Variants in NELFA observed in about 807,000 individuals in gnomAD.
NELFA encodes negative elongation factor A.
In NELFA, 35 loss-of-function variants were observed where a neutral mutation model predicts 51.8. The observed-to-expected ratio is 0.68, with a 90% CI of 0.52 to 0.90. NELFA has a LOEUF of 0.90. Ranked by LOEUF, NELFA falls within the 40% of genes least tolerant of loss-of-function variation. NELFA has a pLI of 0.00. For synonymous variants in NELFA, 417 were observed against 338.4 expected (o/e 1.23, Z -2.55); for missense variants, 658 against 746.4 (o/e 0.88, Z 1.38).
chr4:1,985,480 G>C (rs1381983633), intron 7 of NELFA, among the ~76,000 whole-genome samples: 1 of 152,124 alleles, frequency 6.6e-6, no homozygotes, highest in Non-Finnish European at 1.5e-5. Context: ...GCAAGGCTTA[G>C]GTCCCACCAG....
At chr4:2,003,949 GA>G (rs1728641148) in intron 1 of NELFA, 1 of 151,646 alleles carries the variant, frequency 6.6e-6, no homozygotes, top group Admixed American at 6.6e-5. Context: ...TCAAGAGATG[GA>G]GACCATCCTG....
chr4:1,984,244 C>T, intron 8 of NELFA, 131 bp from the exon 9 acceptor site: 2 of 1,189,516 alleles, frequency 1.7e-6, no homozygotes, highest in Non-Finnish European at 2.3e-6. Flanking sequence ...TCCCTGTGGC[C>T]CCCAGCCAAG....
intron 1 of NELFA, among the ~76,000 whole-genome samples, chr4:1,996,306 G>A (rs1267471018): frequency 2.6e-5 from 4 of 152,334 alleles, no homozygotes; most frequent in African/African-American, 9.6e-5. Context: ...AGAACTTACT[G>A]AAATTAAAAA....
At chr4:1,998,932 GACTA>G (rs1174030037) in intron 1 of NELFA, among the ~76,000 whole-genome samples, 3 of 152,274 alleles carry the variant, frequency 2.0e-5, no homozygotes, top group East Asian at 3.9e-4. Flanking sequence ...AAGCCCATCA[GACTA>G]ACTAATGGCA....
Position 1,983,507 on chromosome 4 carries a change from C to T in NELFA, c.1403-4G>A, listed in dbSNP as rs1021574702. ...CCCTGCTCCTGGCACGGGTTCTCTG[C>T]AGAGAGCAGGAGCTGCTGGGTGGGT... is the stretch of plus-strand genomic sequence containing the variant. On this transcript the variant is annotated splice_polypyrimidine_tract_variant and splice_region_variant and intron_variant, in intron 10 of 10. Coordinates refer to ENST00000382882, the MANE Select transcript of NELFA (RefSeq NM_005663.5). 30 of 1,613,722 alleles carry T rather than the reference C, an allele frequency of 1.9e-5. No individual in the cohort carries two copies. Among genetic ancestry groups the T allele is most frequent in the Admixed American group, 6.7e-5 (4 of 60,010 alleles).
At chr4:1,992,195 T>C in intron 1 of NELFA, 1 of 221,598 alleles carries the variant, frequency 4.5e-6, no homozygotes. Context: ...GGGTGGGGCC[T>C]GGGACCTGGG....
At position 1,986,098 on chromosome 4, in the gene NELFA, A is replaced by G. The variant is rs756256163; in HGVS notation, c.835+16T>C. The G allele has an allele frequency of 2.9e-5, 45 of 1,549,706 alleles. No individual in the cohort carries two copies. The highest frequency in any genetic ancestry group is 1.7e-4 in the Middle Eastern group (1 of 6,002). On this transcript the variant is annotated intron_variant, in intron 6 of 10. Coordinates refer to ENST00000382882, the MANE Select transcript of NELFA (RefSeq NM_005663.5). ...GGGACCCCCATTGCCGCCGACACGC[A>G]GGCCCCAACCCCCACCGAGAGTCTT...
At chr4:1,990,526 C>T (rs1333044811) in intron 2 of NELFA, 2 of 456,544 alleles carry the variant, frequency 4.4e-6, no homozygotes, top group African/African-American at 4.0e-5. Context: ...CCTGTCCAGA[C>T]CACTGCTCCA....
chr4:1,997,631 A>G (rs1186965052), intron 1 of NELFA, among the ~76,000 whole-genome samples: 3 of 152,252 alleles, frequency 2.0e-5, no homozygotes, highest in Admixed American at 2.0e-4. Flanking sequence ...GAGAGACTGA[A>G]CACTCGAAAA....
chr4:1,986,670 C>A (rs1728110294), intron 4 of NELFA: 3 of 449,726 alleles, frequency 6.7e-6, no homozygotes, highest in Admixed American at 3.5e-5. Context: ...GAGTCTCTCA[C>A]CAGTGTGGCG....
At position 1,983,600 on chromosome 4, in the gene NELFA, G is replaced by A. The variant is rs1727971885; in HGVS notation, c.1398C>T (p.Ser466=). Residue 466 remains serine (S), a synonymous_variant, in exon 10 of 11, where the codon TCC becomes TCT. Coordinates refer to ENST00000382882, the MANE Select transcript of NELFA (RefSeq NM_005663.5). ...GGCCCTGCCTTATGAACATACCTCG[G>A]GAGCCGGCCATGAAGCCCAGGATGA... ...KALILGFMAG[S]RENPCQEQGD... 5 of 1,613,892 alleles carry A rather than the reference G, an allele frequency of 3.1e-6. No homozygotes were observed. The highest frequency in any genetic ancestry group is 3.4e-6 in the Non-Finnish European group (4 of 1,179,988).
chr4:1,991,204 G>A (rs1728257906), intron 2 of NELFA, among the ~76,000 whole-genome samples: 1 of 152,192 alleles, frequency 6.6e-6, no homozygotes, highest in Admixed American at 6.5e-5. Context: ...GGAATGCTCT[G>A]GGCCCTAGAA....
rs1727949397 is a variant in NELFA at position 1,983,251 on chromosome 4, C to G, written c.*68G>C. ...GGGCCAGGTGTCCGCCATCCGGTTA[C>G]TTTAAGCTGGCAAAGCCATCGTCCC... is the stretch of plus-strand genomic sequence containing the variant. On this transcript the variant is annotated 3_prime_UTR_variant, in exon 11 of 11. Coordinates refer to ENST00000382882, the MANE Select transcript of NELFA (RefSeq NM_005663.5). 6.6e-7 allele frequency: 1 copy of G among 1,526,548 alleles called. No homozygotes were observed. Among genetic ancestry groups the G allele is most frequent in the Non-Finnish European group, 8.9e-7 (1 of 1,123,190 alleles). The allele number at this position is 1,526,548 out of a possible 1,614,324, so 94.6% of individuals were successfully genotyped here. A position where few individuals can be genotyped will look rare whatever the true frequency, so the allele number is the denominator to read the frequency against.
intron 7 of NELFA, among the ~76,000 whole-genome samples, chr4:1,985,487 C>A (rs1246142848): frequency 6.6e-6 from 1 of 152,162 alleles, no homozygotes; most frequent in Non-Finnish European, 1.5e-5. Context: ...TTAGGTCCCA[C>A]CAGCCCTGCC....
chr4:1,997,499 T>C (rs1162821354), intron 1 of NELFA, among the ~76,000 whole-genome samples: 2 of 152,266 alleles, frequency 1.3e-5, no homozygotes, highest in East Asian at 3.8e-4. Context: ...AAAGCTATTT[T>C]GTTAATGTGG....
chr4:1,998,348 A>C (rs1728486969), intron 1 of NELFA, among the ~76,000 whole-genome samples: 2 of 151,744 alleles, frequency 1.3e-5, no homozygotes, highest in East Asian at 1.9e-4. Context: ...AAAAAAAAAC[A>C]ATGATGAACT....
chr4:1,997,407 C>G (rs994741940), intron 1 of NELFA, among the ~76,000 whole-genome samples: 1 of 152,170 alleles, frequency 6.6e-6, no homozygotes, highest in Non-Finnish European at 1.5e-5. Context: ...AATTCCTATA[C>G]AAAACATCAG....
Position 1,987,939 on chromosome 4 carries a change from G to A in NELFA, c.613C>T (p.Leu205=), listed in dbSNP as rs1728158117. 3.2e-5 allele frequency: 51 copies of A among 1,609,252 alleles called. No homozygotes were observed. The highest frequency in any genetic ancestry group is 4.2e-5 in the Non-Finnish European group (50 of 1,178,916). ...VPFHAKGRGL[L]RKMDTTTPLK... ...TTACTGGTGGTGTCCATCTTCCGCAGCAGCCCCCGGCCCTTGGCGTGGAAG... is the reference window on the plus strand; with the variant it reads ...TTACTGGTGGTGTCCATCTTCCGCAACAGCCCCCGGCCCTTGGCGTGGAAG... The change falls in exon 4 of 11, where the codon CTG becomes TTG. Residue 205 remains leucine, a synonymous_variant. Coordinates refer to ENST00000382882, the MANE Select transcript of NELFA (RefSeq NM_005663.5).
chr4:2,002,873 A>C (rs779235542), intron 1 of NELFA, among the ~76,000 whole-genome samples: 1 of 152,240 alleles, frequency 6.6e-6, no homozygotes, highest in Non-Finnish European at 1.5e-5. Context: ...AAAAGCCAAA[A>C]TTGACAAATG....
Sources: gnomAD v4.1 joint callset for allele counts (sites outside exome capture counted in the v4.1 genomes callset) on GRCh38, gnomAD v4.1.1 for gene constraint, MANE v1.5 for transcripts, NCBI Gene and HGNC (gene_info 2026-07-23, HGNC 2026-07-21) for gene names.